Variants in MCM8 observed in about 807,000 individuals in gnomAD.
MCM8 encodes the protein minichromosome maintenance 8 homologous recombination repair factor, also known as DNA helicase MCM8.
MCM8 carries 85 observed loss-of-function variants against 98.9 expected under a neutral mutation model. The ratio of observed to expected loss-of-function variants is 0.86; its 90% confidence interval spans 0.72 to 1.03. MCM8 has a LOEUF of 1.03. Among genes scored for constraint, MCM8 ranks in the 50% least tolerant of loss-of-function variants. The pLI, the probability that MCM8 is intolerant of heterozygous loss-of-function variation, is 0.00. For missense variants in MCM8, 951 were observed against 997.8 expected (o/e 0.95, Z 0.63); for synonymous variants, 352 against 338.6 (o/e 1.04, Z -0.44).
At chr20:5,972,782 A>C (rs1263163515) in intron 11 of MCM8, 2 of 1,387,244 alleles carry the variant, frequency 1.4e-6, no homozygotes, top group African/African-American at 2.9e-5. Flanking sequence ...GCAAAAACAA[A>C]TATTTCTCGT....
intron 3 of MCM8, 54 bp from the exon 4 acceptor site, chr20:5,954,554 A>G: frequency 2.0e-6 from 2 of 1,008,714 alleles, no homozygotes; most frequent in Non-Finnish European, 3.1e-6. Flanking sequence ...TCTCATGAAA[A>G]ATGTGCATGT....
At chr20:5,955,620 A>G (rs1325154703) in intron 5 of MCM8, among the ~76,000 whole-genome samples, 1 of 152,164 alleles carries the variant, frequency 6.6e-6, no homozygotes, top group Non-Finnish European at 1.5e-5. Context: ...AAAAAGAGCA[A>G]CCTTAGATTT....
rs1193074612 is a variant in MCM8, at chr20:5,997,079, G to A, written c.*2688G>A. ...TAATCTTCCATAGGCAATTGTTTCTGTGTCACCATTGCTGATTAAAACAAA... is the reference window on the plus strand; with the variant it reads ...TAATCTTCCATAGGCAATTGTTTCTATGTCACCATTGCTGATTAAAACAAA... On this transcript the variant is annotated 3_prime_UTR_variant, in exon 19 of 19. Coordinates refer to ENST00000610722, the MANE Select transcript of MCM8 (RefSeq NM_032485.6). The A allele has an allele frequency of 6.6e-6, 1 of 152,262 alleles. No individual in the cohort carries two copies. The highest frequency in any genetic ancestry group is 1.9e-4 in the East Asian group (1 of 5,194). 9.4% of individuals were successfully genotyped at this position (152,262 alleles called of 1,614,324 possible).
At chr20:5,959,632 G>T (rs11699124) in intron 7 of MCM8, among the ~76,000 whole-genome samples, 1 of 150,240 alleles carries the variant, frequency 6.7e-6, no homozygotes, top group Non-Finnish European at 1.5e-5. Flanking sequence ...AAATGATACT[G>T]CAGAGAACAT....
chr20:5,991,768 C>T (rs1354857916), intron 17 of MCM8, among the ~76,000 whole-genome samples: 1 of 152,196 alleles, frequency 6.6e-6, no homozygotes, highest in Non-Finnish European at 1.5e-5. Flanking sequence ...GGCCCAGAAT[C>T]ATGCCTGTCA....
intron 17 of MCM8, chr20:5,991,017 A>G (rs1388669456): frequency 1.3e-5 from 2 of 152,018 alleles, no homozygotes; most frequent in Non-Finnish European, 2.9e-5. Flanking sequence ...TAGACTGTTC[A>G]TCTGTCGAGC....
chr20:5,993,812 T>C (rs2089902265), intron 18 of MCM8, 117 bp downstream of exon 18: 1 of 797,196 alleles, frequency 1.3e-6, no homozygotes, highest in African/African-American at 1.7e-5. Flanking sequence ...TCTCAAAGGT[T>C]TTCAGCATCT....
In MCM8 at chr20:5,954,777, G is replaced by A. The variant is rs2088929697; in HGVS notation, c.336+87G>A. On this transcript the variant is annotated intron_variant, in intron 4 of 18. Coordinates refer to ENST00000610722, the MANE Select transcript of MCM8 (RefSeq NM_032485.6). ...CTTGTGATTATGATCGTAGGCACTG[G>A]AGTCAGACTTCCTTGGTTCAGACCT... The A allele has an allele frequency of 3.8e-6, 3 of 790,462 alleles. No homozygotes were observed. The Admixed American group carries it at 6.4e-5, about 17-fold the overall frequency. The allele number at this position is 790,462 out of a possible 1,614,324, so 49.0% of individuals were successfully genotyped here.
intron 8 of MCM8, among the ~76,000 whole-genome samples, chr20:5,966,514 A>G (rs2089278070): frequency 6.6e-6 from 1 of 151,932 alleles, no homozygotes; most frequent in Non-Finnish European, 1.5e-5. Flanking sequence ...CTGTTTTATC[A>G]TGGCAATATT....
At chr20:5,979,223 A>G (rs1480588747) in intron 13 of MCM8, among the ~76,000 whole-genome samples, 1 of 151,994 alleles carries the variant, frequency 6.6e-6, no homozygotes, top group Non-Finnish European at 1.5e-5. Flanking sequence ...ACTTTACTTC[A>G]TTCTTTACTT....
chr20:5,990,039 G>A (rs1192339002), intron 17 of MCM8, among the ~76,000 whole-genome samples: 2 of 150,706 alleles, frequency 1.3e-5, no homozygotes, highest in African/African-American at 4.9e-5. Context: ...CTGTGTCTAA[G>A]TATCCTATTG....
intron 12 of MCM8, among the ~76,000 whole-genome samples, chr20:5,973,932 G>A (rs961446922): frequency 2.0e-5 from 3 of 152,156 alleles, no homozygotes; most frequent in African/African-American, 4.8e-5. Flanking sequence ...TGGGATTACC[G>A]GTGTGAGCCA....
chr20:5,969,288 T>C (rs1429583481), intron 10 of MCM8, among the ~76,000 whole-genome samples: 1 of 152,068 alleles, frequency 6.6e-6, no homozygotes, highest in Non-Finnish European at 1.5e-5. Context: ...TTGAAATGCA[T>C]TGTATTATAA....
In MCM8 at chr20:5,996,511, T is replaced by C. The variant is rs1250042642; in HGVS notation, c.*2120T>C. 6.6e-6 allele frequency: 1 copy of C among 151,594 alleles called. No homozygotes were observed. The highest frequency in any genetic ancestry group is 2.0e-4 in the East Asian group (1 of 4,882). The allele number at this position is 151,594 out of a possible 1,614,324, so 9.4% of individuals were successfully genotyped here. ...AGCCTGGGCAACAGAGTGAGACTCT[T>C]TCTCCAAACTAAATAAGAGATATTT... On this transcript the variant is annotated 3_prime_UTR_variant, in exon 19 of 19. Coordinates refer to ENST00000610722, the MANE Select transcript of MCM8 (RefSeq NM_032485.6).
intron 13 of MCM8, among the ~76,000 whole-genome samples, chr20:5,982,356 C>G (rs1057148052): frequency 6.6e-6 from 1 of 152,156 alleles, no homozygotes; most frequent in Non-Finnish European, 1.5e-5. Flanking sequence ...CCCCCAGATA[C>G]TAACCTAACT....
intron 7 of MCM8, among the ~76,000 whole-genome samples, chr20:5,960,597 G>A (rs1033652618): frequency 4.6e-5 from 7 of 152,088 alleles, no homozygotes; most frequent in African/African-American, 1.2e-4. Context: ...TGATCAAATT[G>A]TTGTCTTTTC....
rs540244821 is a variant in MCM8 at position 5,981,862 on chromosome 20, C to G, written c.1538-1108C>G. Among the ~76,000 whole-genome samples, 98 of 152,126 alleles carry G rather than the reference C, an allele frequency of 6.4e-4. 2 individuals carry two copies. The South Asian group carries it at 0.02, about 31-fold the overall frequency. ...AACAAAAAGATAAGGCTATGAGAGA[C>G]AAATTGATGACTAACAATGTTATTA... On this transcript the variant is annotated intron_variant, in intron 13 of 18. Coordinates refer to ENST00000610722, the MANE Select transcript of MCM8 (RefSeq NM_032485.6).
At chr20:5,971,962 A>G (rs986640829) in intron 10 of MCM8, 45 bp from the exon 11 acceptor site, 8 of 1,561,588 alleles carry the variant, frequency 5.1e-6, no homozygotes, top group African/African-American at 1.4e-5. Context: ...CTAATGGATC[A>G]ATGAAGTATA....
At chr20:5,969,593 C>CAA (rs11364488) in intron 10 of MCM8, among the ~76,000 whole-genome samples, 39 of 104,700 alleles carry the variant, frequency 3.7e-4, no homozygotes, top group Middle Eastern at 4.9e-3. Context: ...CTCTGTCTCA[C>CAA]AAAAAAAAAA....
Sources: allele counts gnomAD v4.1 joint callset (sites outside exome capture counted in the v4.1 genomes callset), GRCh38; gene constraint gnomAD v4.1.1; transcripts MANE v1.5; gene names NCBI Gene and HGNC (gene_info 2026-07-23, HGNC 2026-07-21).